LMNB2: variants seen among roughly 807,000 people sequenced by gnomAD.
LMNB2 encodes the protein lamin-B2.
A neutral mutation model predicts 69.3 loss-of-function variants in LMNB2; 17 were observed. The observed-to-expected ratio is 0.25, with a 90% CI of 0.17 to 0.37. The LOEUF (loss-of-function observed/expected upper bound fraction) is 0.37, where lower values mean the gene tolerates loss of function less well. Ranked by LOEUF, LMNB2 falls within the 10% of genes least tolerant of loss-of-function variation. LMNB2 has a pLI of 1.00. For synonymous variants in LMNB2, 397 were observed against 389.3 expected, an observed-to-expected ratio of 1.02 and a Z score of -0.23; for missense variants, 789 against 883.6, an observed-to-expected ratio of 0.89 and a Z score of 1.36.
intron 1 of LMNB2, among the ~76,000 whole-genome samples, chr19:2,450,291 G>A (rs913329387): frequency 6.6e-6 from 1 of 152,056 alleles, no homozygotes; most frequent in Non-Finnish European, 1.5e-5. Flanking sequence ...TATCAGCCTG[G>A]AGGAGCCTGG....
rs1478020999 is a variant in LMNB2 at position 2,428,687 on chromosome 19, C to A, written c.*2224G>T. On this transcript the variant is annotated 3_prime_UTR_variant, in exon 12 of 12. Transcript: ENST00000325327. ...CTTCGAGTCACACGGCACGGGCTTA[C>A]ACAGAGGGATGGTTTCGCATCGTTC... The A allele has an allele frequency of 6.6e-6, 1 of 152,290 alleles. No homozygotes were observed. The highest frequency in any genetic ancestry group is 1.5e-5 in the Non-Finnish European group (1 of 68,068). 9.4% of individuals were successfully genotyped at this position (152,290 alleles called of 1,614,324 possible). A position where few individuals can be genotyped will look rare whatever the true frequency, so the allele number is the denominator to read the frequency against.
At chr19:2,456,092 C>G (rs1263231583) in intron 1 of LMNB2, among the ~76,000 whole-genome samples, 1 of 151,628 alleles carries the variant, frequency 6.6e-6, no homozygotes, top group Admixed American at 6.6e-5. Flanking sequence ...TTCAGAGTCC[C>G]CCGCGATCGC....
Position 2,444,454 on chromosome 19 carries a change from C to T in LMNB2, c.351G>A (p.Leu117=), listed in dbSNP as rs2145462708. Residue 117 remains leucine (L), a synonymous_variant, in exon 2 of 12, where the codon CTG becomes CTA. Transcript: ENST00000325327. The stretch of plus-strand genomic sequence containing the variant: ...CCCTCAGCTTCCCAATCTCTATCTG[C>T]AGCCGGGCACGCTCTCGAGCCGTCT... ...LDETARERAR[L]QIEIGKLRAE... is the part of the protein sequence containing the mutation. 1 of 1,613,784 alleles carries T rather than the reference C, an allele frequency of 6.2e-7. No homozygotes were observed. The highest frequency in any genetic ancestry group is 1.1e-5 in the South Asian group (1 of 91,090).
At chr19:2,456,126 G>A (rs532415603) in intron 1 of LMNB2, among the ~76,000 whole-genome samples, 27 of 151,784 alleles carry the variant, frequency 1.8e-4, no homozygotes, top group Middle Eastern at 6.9e-3. Context: ...GGCGGGGCCT[G>A]GCCGAGTAGC....
At chr19:2,439,704 C>T (rs1235039619) in intron 2 of LMNB2, among the ~76,000 whole-genome samples, 1 of 152,010 alleles carries the variant, frequency 6.6e-6, no homozygotes, top group Admixed American at 6.6e-5. Context: ...CCTCTCCTGC[C>T]CAGCAGAATG....
rs760189690 is a variant in LMNB2 at position 2,431,794 on chromosome 19, C to T, written c.1699G>A (p.Ala567Thr). Reference sequence around the variant, plus strand: ...CCACACACACCCACCTCGCCATCCGCGTTAACCAGGACGGTGCGGAAGCTC... The same window carrying T: ...CCACACACACCCACCTCGCCATCCGTGTTAACCAGGACGGTGCGGAAGCTC... ...GESFRTVLVN[A>T]DGEEVAMRTV... The change falls in exon 10 of 12, where the codon GCG (alanine) becomes ACG (threonine). Residue 567 changes from alanine (A) to threonine (T), a missense_variant. Around this residue, in one of 3 missense-constraint regions of LMNB2, gnomAD observed 609 missense variants for 630.9 expected, o/e 0.97. Coordinates refer to ENST00000325327, the MANE Select transcript of LMNB2 (RefSeq NM_032737.4). 7 of 1,613,908 alleles carry T rather than the reference C, an allele frequency of 4.3e-6. No individual in the cohort carries two copies. Among genetic ancestry groups the T allele is most frequent in the Admixed American group, 1.7e-5 (1 of 60,018 alleles).
At position 2,447,560 on chromosome 19, in the gene LMNB2, C is replaced by T. The variant is rs1430003112; in HGVS notation, c.265-3020G>A. On this transcript the variant is annotated intron_variant, in intron 1 of 11. Transcript: ENST00000325327. This position sits in a 1 kb window ranked among gnomAD's most constrained non-coding sequence, Gnocchi z 4.4. Reference sequence around the variant, plus strand: ...GGTGAGCTGGGTGAACCTTATGAGGCGGGAATTAACTGCTCCGGCTCTGGC... The same window carrying T: ...GGTGAGCTGGGTGAACCTTATGAGGTGGGAATTAACTGCTCCGGCTCTGGC... Among the ~76,000 whole-genome samples the T allele has an allele frequency of 3.3e-5, 5 of 152,132 alleles. No homozygotes were observed. The highest frequency in any genetic ancestry group is 7.2e-5 in the African/African-American group (3 of 41,414).
chr19:2,455,298 A>G (rs957430298), intron 1 of LMNB2, among the ~76,000 whole-genome samples: 1 of 150,498 alleles, frequency 6.6e-6, no homozygotes, highest in Admixed American at 6.6e-5. Context: ...GGGCCTCCTC[A>G]GAGGGCCTGG....
intron 10 of LMNB2, 38 bp from the exon 11 acceptor site, chr19:2,431,696 G>C (rs777128431): frequency 5.6e-6 from 9 of 1,613,848 alleles, no homozygotes; most frequent in Non-Finnish European, 7.6e-6. Flanking sequence ...TCCCGGGATC[G>C]GGCCCAGAGC....
chr19:2,441,785 G>A (rs1035923553), intron 2 of LMNB2, among the ~76,000 whole-genome samples: 2 of 152,356 alleles, frequency 1.3e-5, no homozygotes, highest in African/African-American at 4.8e-5. Flanking sequence ...GAGACCTGAA[G>A]GAGCAGTGCT....
chr19:2,441,926 C>T (rs923845163), intron 2 of LMNB2, among the ~76,000 whole-genome samples: 7 of 152,206 alleles, frequency 4.6e-5, no homozygotes, highest in African/African-American at 7.2e-5. Flanking sequence ...TCGGGGAATC[C>T]GGGAAGCTCC....
In LMNB2 at chr19:2,434,769, G is replaced by T. The variant is rs748189544; in HGVS notation, c.981+19C>A. 2 of 1,596,506 alleles carry T rather than the reference G, an allele frequency of 1.3e-6. No homozygotes were observed. The highest frequency in any genetic ancestry group is 1.7e-6 in the Non-Finnish European group (2 of 1,172,750). ...AGTTGGGCCAGGGGGACGGCAGACG[G>T]TGGCGCTGTGCTCATCACCTGCTTC... On this transcript the variant is annotated intron_variant, in intron 6 of 11. Transcript: ENST00000325327.
At chr19:2,444,750 G>A (rs1435069385) in intron 1 of LMNB2, among the ~76,000 whole-genome samples, 1 of 152,210 alleles carries the variant, frequency 6.6e-6, no homozygotes, top group Non-Finnish European at 1.5e-5. Flanking sequence ...CCGGTAACCA[G>A]GAGGAAGCCA....
intron 1 of LMNB2, among the ~76,000 whole-genome samples, chr19:2,452,434 GA>G (rs1043441517): frequency 5.9e-4 from 69 of 116,734 alleles, no homozygotes; most frequent in African/African-American, 7.9e-4. Context: ...ACTCTGTCTA[GA>G]AAAAAAAAAA....
intron 2 of LMNB2, among the ~76,000 whole-genome samples, chr19:2,441,677 C>T (rs1971902115): frequency 6.6e-6 from 1 of 152,232 alleles, no homozygotes; most frequent in Non-Finnish European, 1.5e-5. Flanking sequence ...TGCGGGACGT[C>T]CTTGCGGAGG....
intron 8 of LMNB2, 103 bp downstream of exon 8, chr19:2,433,723 T>C: frequency 7.0e-7 from 1 of 1,429,890 alleles, no homozygotes; most frequent in Non-Finnish European, 9.7e-7. Context: ...CCGGTCACCT[T>C]GTCCCCTGCC....
rs1971794851 is a variant in LMNB2 at position 2,434,495 on chromosome 19, G to T, written c.1002C>A (p.Arg334=). The T allele has an allele frequency of 1.2e-6, 2 of 1,612,858 alleles. No individual in the cohort carries two copies. The highest frequency in any genetic ancestry group is 1.7e-6 in the Non-Finnish European group (2 of 1,179,934). Residue 334 remains arginine, a synonymous_variant, in exon 7 of 12, where the codon CGC becomes CGA. Transcript: ENST00000325327. The stretch of plus-strand genomic sequence containing the variant: ...CCATGGCCTCCTCCAGCTCCCGAAT[G>T]CGATCTTCAGCGGCACTGGCCTGCG... The part of the protein sequence containing the change: ...LQKQASAAED[R]IRELEEAMAG...
chr19:2,437,342 G>C (rs1971840532), intron 4 of LMNB2, among the ~76,000 whole-genome samples: 1 of 152,250 alleles, frequency 6.6e-6, no homozygotes, highest in African/African-American at 2.4e-5. Flanking sequence ...CTTTGGACAA[G>C]GAGGCCCTGT....
Position 2,430,215 on chromosome 19 carries a change from C to G in LMNB2, c.*696G>C, listed in dbSNP as rs942406769. On this transcript the variant is annotated 3_prime_UTR_variant, in exon 12 of 12. Coordinates refer to ENST00000325327, the MANE Select transcript of LMNB2 (RefSeq NM_032737.4). ...CATTCTTCCTTCCCCAGGTCTTCCCCTCCCCTGCCCTGTTGGCCTTGCACA... is the reference window on the plus strand; with the variant it reads ...CATTCTTCCTTCCCCAGGTCTTCCCGTCCCCTGCCCTGTTGGCCTTGCACA... The G allele has an allele frequency of 6.3e-6, 1 of 158,298 alleles. No individual in the cohort carries two copies. Among genetic ancestry groups the G allele is most frequent in the Non-Finnish European group, 1.4e-5 (1 of 71,500 alleles). The allele number at this position is 158,298 out of a possible 1,614,324, so 9.8% of individuals were successfully genotyped here. A position where few individuals can be genotyped will look rare whatever the true frequency, so the allele number is the denominator to read the frequency against.
Sources: allele counts gnomAD v4.1 joint callset (sites outside exome capture counted in the v4.1 genomes callset), GRCh38; gene constraint gnomAD v4.1.1; regional missense constraint gnomAD v4.1.1; non-coding constraint Gnocchi (gnomAD v3.1); transcripts MANE v1.5; gene names NCBI Gene and HGNC (gene_info 2026-07-23, HGNC 2026-07-21).